The following ARHGEF37 variants were observed in gnomAD, a reference collection of about 807,000 sequenced individuals.
The protein encoded by ARHGEF37 is Rho guanine nucleotide exchange factor (GEF) 37.
In ARHGEF37, 55 loss-of-function variants were observed where a neutral mutation model predicts 71.1. That is an observed-to-expected ratio of 0.77 (90% CI 0.62 to 0.97). The LOEUF is 0.97. Ranked by LOEUF, ARHGEF37 falls within the 50% of genes least tolerant of loss-of-function variation. ARHGEF37 has a pLI of 0.00. For synonymous variants in ARHGEF37, 327 were observed against 350.6 expected (o/e 0.93, Z 0.75); for missense variants, 765 against 836.8 (o/e 0.91, Z 1.06).
chr5:149,629,076 A>G (rs922774875), intron 12 of ARHGEF37, 110 bp downstream of exon 12: 53 of 1,340,030 alleles, frequency 4.0e-5, no homozygotes, highest in Non-Finnish European at 5.1e-5. Context: ...TGGGGCTGCC[A>G]CTCTGTGAGA....
Position 149,632,063 on chromosome 5 carries a change from G to GC in ARHGEF37, c.1903dup (p.Gln635ProfsTer8). 7 of 1,614,264 alleles carry GC rather than the reference G, an allele frequency of 4.3e-6. No homozygotes were observed. Among genetic ancestry groups the GC allele is most frequent in the Non-Finnish European group, 5.9e-6 (7 of 1,180,046 alleles). Reference sequence around the variant, plus strand: ...AGGCCAGCCTGTGACCATCCTGGAGGCCCAGGACAAGAAGGGGAACCCTGA... The same window carrying GC: ...AGGCCAGCCTGTGACCATCCTGGAGGCCCCAGGACAAGAAGGGGAACCCTGA... On this transcript the variant is annotated frameshift_variant, in exon 13 of 13. Transcript: ENST00000333677. LOFTEE classifies it high-confidence loss of function.
intron 1 of ARHGEF37, among the ~76,000 whole-genome samples, chr5:149,583,376 A>G (rs79558684): frequency 5.7e-4 from 87 of 152,256 alleles, no homozygotes; most frequent in African/African-American, 2.1e-3. Flanking sequence ...AGCTCAGGCA[A>G]TTGCCTACCT....
At chr5:149,564,149 G>T (rs1762870747) in intron 1 of ARHGEF37, among the ~76,000 whole-genome samples, 1 of 151,752 alleles carries the variant, frequency 6.6e-6, no homozygotes, top group African/African-American at 2.4e-5. Flanking sequence ...GATGGACAGG[G>T]TTTCGCTGTG....
intron 1 of ARHGEF37, among the ~76,000 whole-genome samples, chr5:149,566,869 T>C (rs759533793): frequency 6.6e-6 from 1 of 152,172 alleles, no homozygotes; most frequent in Non-Finnish European, 1.5e-5. Flanking sequence ...TCTCTTCTAA[T>C]TATATATATA....
At chr5:149,594,044 G>A (rs1763480377) in intron 1 of ARHGEF37, among the ~76,000 whole-genome samples, 1 of 152,198 alleles carries the variant, frequency 6.6e-6, no homozygotes, top group African/African-American at 2.4e-5. Context: ...GTGATATTTT[G>A]ATACCTGTAT....
At chr5:149,574,596 C>T (rs1261549583) in intron 1 of ARHGEF37, among the ~76,000 whole-genome samples, 1 of 152,196 alleles carries the variant, frequency 6.6e-6, no homozygotes, top group African/African-American at 2.4e-5. Context: ...TCATGTACAA[C>T]GGATATGCCA....
In ARHGEF37 at chr5:149,632,242, C is replaced by G. The variant is rs962429218; in HGVS notation, c.*51C>G. On this transcript the variant is annotated 3_prime_UTR_variant, in exon 13 of 13. Transcript: ENST00000333677. ...CCAAATGATGGGGGAGGCTTAGAGG[C>G]TCTGACCCTGGGGGGAAAAGAAGCA... is the stretch of plus-strand genomic sequence containing the variant. The G allele has an allele frequency of 9.5e-6, 15 of 1,585,298 alleles. No homozygotes were observed. The highest frequency in any genetic ancestry group is 1.3e-5 in the Non-Finnish European group (15 of 1,159,370).
Position 149,616,560 on chromosome 5 carries a change from C to T in ARHGEF37, c.459-7C>T, listed in dbSNP as rs745670902. 40 of 1,601,552 alleles carry T rather than the reference C, an allele frequency of 2.5e-5. No individual in the cohort carries two copies. The highest frequency in any genetic ancestry group is 3.2e-5 in the Non-Finnish European group (37 of 1,172,960). On this transcript the variant is annotated splice_region_variant and splice_polypyrimidine_tract_variant and intron_variant, in intron 4 of 12. Transcript: ENST00000333677. ...TTTACCTGCCTAATACCAGCCTTCT[C>T]CCTCAGGCCGCAAGCTGGATCTTCA...
At chr5:149,582,327 A>G (rs1763125910) in intron 1 of ARHGEF37, among the ~76,000 whole-genome samples, 1 of 152,220 alleles carries the variant, frequency 6.6e-6, no homozygotes, top group South Asian at 2.1e-4. Context: ...GAATGCCTGC[A>G]GGCTGCTACT....
At chr5:149,616,814 G>A in intron 5 of ARHGEF37, 48 bp downstream of exon 5, 1 of 1,507,706 alleles carries the variant, frequency 6.6e-7, no homozygotes, top group Non-Finnish European at 9.0e-7. Context: ...AATGCTTCCA[G>A]TTACAGAAAA....
intron 1 of ARHGEF37, among the ~76,000 whole-genome samples, chr5:149,589,627 G>A (rs1763340937): frequency 6.6e-6 from 1 of 152,108 alleles, no homozygotes; most frequent in African/African-American, 2.4e-5. Flanking sequence ...AGCCCCCCGA[G>A]TAGCTGGGAT....
At chr5:149,555,109 C>CTACAGAGTG (rs776331009) in intron 1 of ARHGEF37, among the ~76,000 whole-genome samples, 42 of 143,070 alleles carry the variant, frequency 2.9e-4, no homozygotes, top group Non-Finnish European at 6.0e-4. Context: ...CCACCCTGGG[C>CTACAGAGTG]TACAGAGTGA....
intron 1 of ARHGEF37, among the ~76,000 whole-genome samples, chr5:149,592,281 T>G (rs1270751238): frequency 6.6e-6 from 1 of 152,234 alleles, no homozygotes; most frequent in Non-Finnish European, 1.5e-5. Flanking sequence ...TTCTCTCTGT[T>G]ACTATTCTTT....
chr5:149,602,792 C>G (rs1763794826), intron 3 of ARHGEF37, among the ~76,000 whole-genome samples: 1 of 152,036 alleles, frequency 6.6e-6, no homozygotes, highest in Non-Finnish European at 1.5e-5. Flanking sequence ...GTGTCAGATT[C>G]ACTACAGTGG....
intron 4 of ARHGEF37, among the ~76,000 whole-genome samples, chr5:149,613,193 T>C (rs1327581868): frequency 6.6e-6 from 1 of 152,228 alleles, no homozygotes; most frequent in Non-Finnish European, 1.5e-5. Flanking sequence ...AACATATGCT[T>C]ATTGAACAAA....
chr5:149,619,121 A>C, intron 7 of ARHGEF37, 79 bp downstream of exon 7: 1 of 1,183,336 alleles, frequency 8.5e-7, no homozygotes, highest in Non-Finnish European at 1.3e-6. Context: ...CCCAGCCTAC[A>C]AGCTGGGAAA....
chr5:149,602,522 C>T (rs1763786101), intron 3 of ARHGEF37, among the ~76,000 whole-genome samples: 1 of 151,226 alleles, frequency 6.6e-6, no homozygotes, highest in Non-Finnish European at 1.5e-5. Flanking sequence ...GGATCTCACT[C>T]TGTTGCCCAG....
intron 1 of ARHGEF37, among the ~76,000 whole-genome samples, chr5:149,555,698 C>T (rs1762744889): frequency 6.6e-6 from 1 of 152,012 alleles, no homozygotes; most frequent in African/African-American, 2.4e-5. Flanking sequence ...ATCTTAGTGG[C>T]AGTGACAGGA....
At chr5:149,553,562 G>A (rs893164634) in intron 1 of ARHGEF37, among the ~76,000 whole-genome samples, 1 of 152,062 alleles carries the variant, frequency 6.6e-6, no homozygotes, top group Non-Finnish European at 1.5e-5. Context: ...AAGGGGATGA[G>A]GTATACATTT....
Sources: gnomAD v4.1 joint callset for allele counts (sites outside exome capture counted in the v4.1 genomes callset) on GRCh38, gnomAD v4.1.1 for gene constraint, MANE v1.5 for transcripts, NCBI Gene and HGNC (gene_info 2026-07-23, HGNC 2026-07-21) for gene names.